Variants in DGKG observed in about 807,000 individuals in gnomAD.
DGKG encodes diacylglycerol kinase gamma.
A neutral mutation model predicts 105.3 loss-of-function variants in DGKG; 78 were observed. That is an observed-to-expected ratio of 0.74 (90% confidence interval 0.62 to 0.89). DGKG has a LOEUF of 0.89. DGKG is among the 40% of genes least tolerant of loss of function. The pLI is 0.00. For missense variants in DGKG, 958 were observed against 1,020.1 expected, an observed-to-expected ratio of 0.94 and a Z score of 0.83; for synonymous variants, 346 against 367.1, an observed-to-expected ratio of 0.94 and a Z score of 0.66.
intron 21 of DGKG, among the ~76,000 whole-genome samples, chr3:186,198,457 C>T (rs1211026660): frequency 6.6e-6 from 1 of 152,346 alleles, no homozygotes; most frequent in Middle Eastern, 3.4e-3. Flanking sequence ...CCTACTTATT[C>T]TGTGCTAGAC....
At chr3:186,300,515 TG>T (rs1278072541) in intron 3 of DGKG, among the ~76,000 whole-genome samples, 1 of 152,248 alleles carries the variant, frequency 6.6e-6, no homozygotes, top group Non-Finnish European at 1.5e-5. Context: ...TGTTCTGTTT[TG>T]GTTCTCTTCA....
At chr3:186,229,858 T>C (rs1296443782) in intron 20 of DGKG, among the ~76,000 whole-genome samples, 2 of 152,036 alleles carry the variant, frequency 1.3e-5, no homozygotes, top group African/African-American at 4.8e-5. Context: ...CCTCTCCGAG[T>C]GAGAAAGCTT....
intron 22 of DGKG, among the ~76,000 whole-genome samples, chr3:186,186,956 C>T (rs1162581444): frequency 6.6e-6 from 1 of 152,182 alleles, no homozygotes; most frequent in African/African-American, 2.4e-5. Flanking sequence ...CCCAGTTGTT[C>T]CAGACAGAAA....
rs1311498650 is a variant in DGKG, at chr3:186,284,528, T to G, written c.594+132A>C. 2.5e-6 allele frequency: 2 copies of G among 808,448 alleles called. No homozygotes were observed. The highest frequency in any genetic ancestry group is 1.6e-5 in the South Asian group (1 of 64,174). The allele number at this position is 808,448 out of a possible 1,614,324, so 50.1% of individuals were successfully genotyped here. ...CGGGTGGAGAGGTCCTAGTCGGATT[T>G]CCTCAGCCTGCATCGAGACATTGCT... On this transcript the variant is annotated intron_variant, in intron 7 of 24. Transcript: ENST00000265022. This position sits in a 1 kb window ranked among gnomAD's most constrained non-coding sequence, Gnocchi z 4.0.
chr3:186,309,620 T>A (rs1421489472), intron 2 of DGKG, among the ~76,000 whole-genome samples: 3 of 152,162 alleles, frequency 2.0e-5, no homozygotes, highest in Non-Finnish European at 4.4e-5. Context: ...CCAAAATGGC[T>A]AAATAAAAAA....
At chr3:186,168,444 C>A (rs1206697939) in intron 22 of DGKG, among the ~76,000 whole-genome samples, 1 of 152,172 alleles carries the variant, frequency 6.6e-6, no homozygotes, top group Non-Finnish European at 1.5e-5. Context: ...GGAGGAAAAG[C>A]AAGGACAACA....
chr3:186,192,999 T>C (rs1460364497), intron 21 of DGKG, among the ~76,000 whole-genome samples: 2 of 152,228 alleles, frequency 1.3e-5, no homozygotes, highest in Admixed American at 1.3e-4. Context: ...GTGTTTGCTA[T>C]TAACTTGGTA....
At chr3:186,183,594 T>C (rs1161902415) in intron 22 of DGKG, among the ~76,000 whole-genome samples, 2 of 152,186 alleles carry the variant, frequency 1.3e-5, no homozygotes, top group African/African-American at 2.4e-5. Context: ...CTGAAAGGTC[T>C]AGGAAAGGAG....
chr3:186,257,115 C>T (rs1283500479), intron 17 of DGKG, among the ~76,000 whole-genome samples: 1 of 152,222 alleles, frequency 6.6e-6, no homozygotes, highest in Non-Finnish European at 1.5e-5. Flanking sequence ...GCTCATCGCT[C>T]AGGGCCCAGT....
chr3:186,218,904 T>C (rs896988331), intron 20 of DGKG, among the ~76,000 whole-genome samples: 16 of 152,188 alleles, frequency 1.1e-4, no homozygotes, highest in Non-Finnish European at 1.8e-4. Context: ...GCTGGGTTAT[T>C]AGCGGTGTTA....
chr3:186,260,544 A>G, intron 15 of DGKG, 31 bp from the exon 16 acceptor site: 2 of 1,504,346 alleles, frequency 1.3e-6, no homozygotes, highest in Non-Finnish European at 1.8e-6. Flanking sequence ...GGAGGGAGAG[A>G]GAGAGACAGA....
intron 18 of DGKG, 91 bp from the exon 19 acceptor site, chr3:186,252,010 G>A: frequency 3.0e-6 from 4 of 1,318,348 alleles, no homozygotes; most frequent in Non-Finnish European, 4.1e-6. Flanking sequence ...TAAGCCCAGG[G>A]CATCTGTGAC....
At chr3:186,260,639 C>T in intron 15 of DGKG, 126 bp from the exon 16 acceptor site, 1 of 733,522 alleles carries the variant, frequency 1.4e-6, no homozygotes, top group Non-Finnish European at 2.3e-6. Flanking sequence ...TCATTTAAAC[C>T]CCGGAGGGGA....
chr3:186,263,341 C>T (rs946809690), intron 14 of DGKG, among the ~76,000 whole-genome samples: 5 of 151,484 alleles, frequency 3.3e-5, no homozygotes, highest in South Asian at 2.1e-4. Flanking sequence ...CTGAGGCAGG[C>T]GGATCACCTG....
chr3:186,336,285 A>G (rs1725830483), intron 1 of DGKG, among the ~76,000 whole-genome samples: 1 of 152,222 alleles, frequency 6.6e-6, no homozygotes, highest in African/African-American at 2.4e-5. Context: ...ACACTTCTGC[A>G]TGACAATCTC....
At chr3:186,293,120 A>G (rs1723386743) in intron 5 of DGKG, among the ~76,000 whole-genome samples, 1 of 152,228 alleles carries the variant, frequency 6.6e-6, no homozygotes, top group Non-Finnish European at 1.5e-5. Context: ...ATACATCAAC[A>G]CATCATTATC....
intron 19 of DGKG, among the ~76,000 whole-genome samples, chr3:186,249,066 T>C (rs1267711178): frequency 6.6e-6 from 1 of 152,214 alleles, no homozygotes; most frequent in African/African-American, 2.4e-5. Flanking sequence ...AGGCTGCACA[T>C]GTTCCTGCTG....
chr3:186,340,996 C>T (rs1259290821), intron 1 of DGKG, among the ~76,000 whole-genome samples: 21 of 152,120 alleles, frequency 1.4e-4, no homozygotes, highest in Non-Finnish European at 4.4e-5. Context: ...ATGAGACTAC[C>T]GAAAACCACA....
intron 2 of DGKG, among the ~76,000 whole-genome samples, chr3:186,312,997 A>T (rs888315839): frequency 1.1e-4 from 16 of 152,262 alleles, no homozygotes; most frequent in African/African-American, 3.9e-4. Context: ...TAGATATTCA[A>T]GAAAGATCTA....
Sources: allele counts gnomAD v4.1 joint callset (sites outside exome capture counted in the v4.1 genomes callset), GRCh38; gene constraint gnomAD v4.1.1; non-coding constraint Gnocchi (gnomAD v3.1); transcripts MANE v1.5; gene names NCBI Gene and HGNC (gene_info 2026-07-23, HGNC 2026-07-21).